Variants in SPEN observed in about 807,000 individuals in gnomAD.
SPEN encodes the protein msx2-interacting protein.
In SPEN, 18 loss-of-function variants were observed where a neutral mutation model predicts 269.9. The observed-to-expected ratio is 0.07, with a 90% CI of 0.05 to 0.10. The LOEUF is 0.10. Among genes scored for constraint, SPEN ranks in the 10% least tolerant of loss-of-function variants. The pLI is 1.00. For missense variants in SPEN, 3,822 were observed against 4,631.2 expected, an observed-to-expected ratio of 0.83 and a Z score of 5.07; for synonymous variants, 1,726 against 1,765.7, an observed-to-expected ratio of 0.98 and a Z score of 0.56.
Position 15,934,223 on chromosome 1 carries a change from C to T in SPEN, c.7983C>T (p.Ser2661=). Residue 2661 remains serine (S), a synonymous_variant, in exon 11 of 15, where the codon TCC becomes TCT. Coordinates refer to ENST00000375759, the MANE Select transcript of SPEN (RefSeq NM_015001.3). The surrounding 1 kb of genome is among the most constrained non-coding windows in gnomAD (Gnocchi z 9.2). ...VSALTGLVNV[S]LVPVNALKGP... ...CACTCACTGGCCTGGTGAACGTCTC[C>T]CTGGTCCCGGTGAATGCCCTGAAAG... is the stretch of plus-strand genomic sequence containing the variant. 1.2e-6 allele frequency: 2 copies of T among 1,614,254 alleles called. No homozygotes were observed. The highest frequency in any genetic ancestry group is 1.7e-6 in the Non-Finnish European group (2 of 1,180,040).
rs146031154 is a variant in SPEN at position 15,932,990 on chromosome 1, C to G, written c.6750C>G (p.Pro2250=). Residue 2250 remains proline (P), a synonymous_variant, in exon 11 of 15, where the codon CCC becomes CCG. Transcript: ENST00000375759. This position sits in a 1 kb window ranked among gnomAD's most constrained non-coding sequence, Gnocchi z 4.2. ...PGESQTDLQP[P]AGAQALQPSE... ...AATCCCAGACAGATCTGCAACCCCCCGCAGGTGCACAGGCGCTGCAGCCTT... is the reference window on the plus strand; with the variant it reads ...AATCCCAGACAGATCTGCAACCCCCGGCAGGTGCACAGGCGCTGCAGCCTT... 4.3e-6 allele frequency: 7 copies of G among 1,614,048 alleles called. No individual in the cohort carries two copies. The African/African-American group carries it at 5.3e-5, about 12-fold the overall frequency.
intron 3 of SPEN, among the ~76,000 whole-genome samples, chr1:15,887,276 ATT>A (rs34435171): frequency 4.9e-5 from 4 of 82,308 alleles, no homozygotes; most frequent in Non-Finnish European, 2.2e-5. Context: ...CCTGGCCTGA[ATT>A]TTTTTTTTTT....
chr1:15,935,333 C>G lies in SPEN; in HGVS notation c.9093C>G (p.Pro3031=), dbSNP rs754548886. The change falls in exon 11 of 15, where the codon CCC becomes CCG. Residue 3031 remains proline (P), a synonymous_variant. Transcript: ENST00000375759. This position sits in a 1 kb window ranked among gnomAD's most constrained non-coding sequence, Gnocchi z 7.7. ...CTCATTCTCCTCGACCAAGTGGACC[C>G]GGGCCATCCTCATTCCCAAGGGCAA... The part of the protein sequence containing the change: ...LDAHSPRPSG[P]GPSSFPRASH... The G allele has an allele frequency of 6.2e-7, 1 of 1,614,096 alleles. No individual in the cohort carries two copies. Among genetic ancestry groups the G allele is most frequent in the Admixed American group, 1.7e-5 (1 of 60,016 alleles).
rs2070308787 is a variant in SPEN, at chr1:15,849,231, C to T, written c.83+1081C>T. On this transcript the variant is annotated intron_variant, in intron 1 of 14. Coordinates refer to ENST00000375759, the MANE Select transcript of SPEN (RefSeq NM_015001.3). The stretch of plus-strand genomic sequence containing the variant: ...GACAGTTTATTCCGATATTTAAGAC[C>T]CTGGAAGGTTTTAAGTTTGGCTTTT... 2.6e-5 allele frequency among the ~76,000 whole-genome samples: 4 copies of T among 152,230 alleles called. No individual in the cohort carries two copies. In the South Asian group the frequency reaches 8.3e-4, roughly 32 times the overall value.
In SPEN at chr1:15,929,557, C is replaced by T; in HGVS notation, c.3317C>T (p.Pro1106Leu). The T allele has an allele frequency of 6.2e-7, 1 of 1,613,922 alleles. No homozygotes were observed. ...AATCAAGAAGTCCAATCAAAAAAGCCCATTCCCTCAAAACCACAGCTCAAA... is the reference window on the plus strand; with the variant it reads ...AATCAAGAAGTCCAATCAAAAAAGCTCATTCCCTCAAAACCACAGCTCAAA... ...VENQEVQSKKPIPSKPQLKQL... is the reference protein window; with the variant it reads ...VENQEVQSKKLIPSKPQLKQL... Residue 1106 changes from proline to leucine, a missense_variant, in exon 11 of 15, where the codon CCC becomes CTC. Physicochemically the swap from Pro to Leu is moderately conservative, Grantham distance 98 (BLOSUM62 -3). This residue lies in a region of SPEN where 572 missense variants were observed against 582.6 expected (regional missense o/e 0.98). Transcript: ENST00000375759. This position sits in a 1 kb window ranked among gnomAD's most constrained non-coding sequence, Gnocchi z 5.8.
intron 3 of SPEN, among the ~76,000 whole-genome samples, chr1:15,903,539 C>T (rs2070923433): frequency 6.6e-6 from 1 of 152,134 alleles, no homozygotes; most frequent in Non-Finnish European, 1.5e-5. Flanking sequence ...AGGCGCATGC[C>T]ACCATGCCTA....
In SPEN at chr1:15,929,881, C is replaced by T. The variant is rs1215659145; in HGVS notation, c.3641C>T (p.Pro1214Leu). 6.2e-7 allele frequency: 1 copy of T among 1,613,958 alleles called. No homozygotes were observed. The highest frequency in any genetic ancestry group is 1.7e-5 in the Admixed American group (1 of 59,992). The change falls in exon 11 of 15, where the codon CCC (proline) becomes CTC (leucine). Residue 1214 changes from proline to leucine, a missense_variant. Physicochemically the swap from Pro to Leu is moderately conservative, Grantham distance 98. This residue lies in a region of SPEN where 46 missense variants were observed against 94.0 expected (regional missense o/e 0.49). Transcript: ENST00000375759. The surrounding 1 kb of genome is among the most constrained non-coding windows in gnomAD (Gnocchi z 5.8). Reference protein sequence around the residue: ...RRSLVHEVGKPPQDVTDDSPP... With the variant: ...RRSLVHEVGKLPQDVTDDSPP... The stretch of plus-strand genomic sequence containing the variant: ...AGCCTCGTTCACGAGGTAGGCAAAC[C>T]CCCTCAAGATGTCACTGATGACTCT...
intron 1 of SPEN, among the ~76,000 whole-genome samples, chr1:15,849,105 C>A (rs541460803): frequency 1.2e-3 from 178 of 152,294 alleles, no homozygotes; most frequent in Non-Finnish European, 1.5e-3. Flanking sequence ...TGTACCGTAA[C>A]AGATAGGCCT....
chr1:15,886,751 C>T (rs998488506), intron 3 of SPEN, among the ~76,000 whole-genome samples: 1 of 152,212 alleles, frequency 6.6e-6, no homozygotes, highest in African/African-American at 2.4e-5. Flanking sequence ...ACATGGTCAG[C>T]ATTTGGTGAC....
In SPEN at chr1:15,848,851, A is replaced by G. The variant is rs1452992237; in HGVS notation, c.83+701A>G. On this transcript the variant is annotated intron_variant, in intron 1 of 14. Coordinates refer to ENST00000375759, the MANE Select transcript of SPEN (RefSeq NM_015001.3). This position sits in a 1 kb window ranked among gnomAD's most constrained non-coding sequence, Gnocchi z 5.1. ...CCCGGCGGAGGAGACCGCGTCTGAC[A>G]GGAGGTTGCTAGCCCCGGCGCCCGT... Among the ~76,000 whole-genome samples the G allele has an allele frequency of 6.6e-6, 1 of 152,108 alleles. No homozygotes were observed. The highest frequency in any genetic ancestry group is 1.9e-4 in the East Asian group (1 of 5,168).
In SPEN at chr1:15,873,079, A is replaced by T; in HGVS notation, c.347A>T (p.Tyr116Phe). The T allele has an allele frequency of 6.2e-7, 1 of 1,614,158 alleles. No individual in the cohort carries two copies. Residue 116 changes from tyrosine (Y) to phenylalanine (F), a missense_variant, in exon 2 of 15, where the codon TAT becomes TTT. Coordinates refer to ENST00000375759, the MANE Select transcript of SPEN (RefSeq NM_015001.3). ...GFRGGGGGPA[Y>F]GPPPSLHARE... ...AGAGGAGGTGGTGGAGGGCCTGCTT[A>T]TGGTCCCCCACCGTCACTTCATGCA...
chr1:15,910,723 G>A (rs1170730222), intron 4 of SPEN, among the ~76,000 whole-genome samples: 1 of 151,606 alleles, frequency 6.6e-6, no homozygotes, highest in Non-Finnish European at 1.5e-5. Context: ...ATATATAAGG[G>A]CATTTTTCTG....
intron 3 of SPEN, among the ~76,000 whole-genome samples, chr1:15,888,390 C>T (rs1415027852): frequency 6.6e-6 from 1 of 151,588 alleles, no homozygotes; most frequent in East Asian, 1.9e-4. Flanking sequence ...GTAGCATGAT[C>T]TCGGTTCACT....
chr1:15,939,501 C>G lies in SPEN; in HGVS notation c.*74C>G, dbSNP rs753836380. On this transcript the variant is annotated 3_prime_UTR_variant, in exon 15 of 15. Transcript: ENST00000375759. The surrounding 1 kb of genome is among the most constrained non-coding windows in gnomAD (Gnocchi z 4.1). ...AAAAACAAAGGACAACCCAGCCAAG[C>G]AGAGGAAGAAGCTGCCGAAGGGGAC... 2.1e-6 allele frequency: 3 copies of G among 1,453,228 alleles called. No homozygotes were observed. The highest frequency in any genetic ancestry group is 2.7e-6 in the Non-Finnish European group (3 of 1,095,216). 90.0% of individuals were successfully genotyped at this position (1,453,228 alleles called of 1,614,324 possible). A position where few individuals can be genotyped will look rare whatever the true frequency, so the allele number is the denominator to read the frequency against.
In SPEN at chr1:15,876,334, A is replaced by T. The variant is rs773358525; in HGVS notation, c.537A>T (p.Gln179His). The T allele has an allele frequency of 1.2e-6, 2 of 1,613,916 alleles. No individual in the cohort carries two copies. Residue 179 changes from glutamine to histidine, a missense_variant, in exon 3 of 15, where the codon CAA becomes CAT. By Grantham distance (24) the Gln-to-His change is conservative. Transcript: ENST00000375759. ...GAGATCCTCGAGAGCGGACTTTACA[A>T]CATGGGCTCTATTACGCTTCTCGGA... ...YYRDPRERTLQHGLYYASRSR... is the reference protein window; with the variant it reads ...YYRDPRERTLHHGLYYASRSR...
chr1:15,866,708 T>C, intron 1 of SPEN, among the ~76,000 whole-genome samples: 1 of 152,172 alleles, frequency 6.6e-6, no homozygotes, highest in East Asian at 1.9e-4. Flanking sequence ...TATAAAATCA[T>C]TTCATAATAA....
chr1:15,939,214 G>A lies in SPEN; in HGVS notation c.10864-82G>A. 6.8e-7 allele frequency: 1 copy of A among 1,477,310 alleles called. No individual in the cohort carries two copies. Among genetic ancestry groups the A allele is most frequent in the Non-Finnish European group, 9.0e-7 (1 of 1,110,398 alleles). The allele number at this position is 1,477,310 out of a possible 1,614,324, so 91.5% of individuals were successfully genotyped here. On this transcript the variant is annotated intron_variant, in intron 14 of 14. Transcript: ENST00000375759. The surrounding 1 kb of genome is among the most constrained non-coding windows in gnomAD (Gnocchi z 4.1). The stretch of plus-strand genomic sequence containing the variant: ...GATTTGGCCTGGCTCTTAGCATTGG[G>A]CCTCTTCAGGGCTCCCCAATGGAAG...
At position 15,915,420 on chromosome 1, in the gene SPEN, T is replaced by G. The variant is rs191164146; in HGVS notation, c.1244-708T>G. Among the ~76,000 whole-genome samples the G allele has an allele frequency of 2.8e-3, 420 of 150,888 alleles. 1 individual carries two copies. The highest frequency in any genetic ancestry group is 9.2e-3 in the African/African-American group (378 of 41,106). On this transcript the variant is annotated intron_variant, in intron 5 of 14. Coordinates refer to ENST00000375759, the MANE Select transcript of SPEN (RefSeq NM_015001.3). ...TGGAGGATTGCTTGAGCCTGGGAGGTTGAGGCTCCAGTGAGCCATGATCCT... is the reference window on the plus strand; with the variant it reads ...TGGAGGATTGCTTGAGCCTGGGAGGGTGAGGCTCCAGTGAGCCATGATCCT...
Position 15,929,224 on chromosome 1 carries a change from C to G in SPEN, c.2984C>G (p.Ala995Gly), listed in dbSNP as rs1319882904. 6.2e-7 allele frequency: 1 copy of G among 1,613,966 alleles called. No individual in the cohort carries two copies. Among genetic ancestry groups the G allele is most frequent in the African/African-American group, 1.3e-5 (1 of 74,900 alleles). Reference protein sequence around the residue: ...KRRFADSNLKAEKQKPEVKKS... With the variant: ...KRRFADSNLKGEKQKPEVKKS... ...CGCTTTGCAGATTCCAATTTAAAAG[C>G]AGAAAAGCAAAAACCAGAGGTCAAG... The change falls in exon 11 of 15, where the codon GCA (alanine) becomes GGA (glycine). Residue 995 changes from alanine to glycine, a missense_variant. Physicochemically the swap from Ala to Gly is moderately conservative, Grantham distance 60 (BLOSUM62 0). This residue lies in a region of SPEN where 572 missense variants were observed against 582.6 expected (regional missense o/e 0.98). Coordinates refer to ENST00000375759, the MANE Select transcript of SPEN (RefSeq NM_015001.3). The surrounding 1 kb of genome is among the most constrained non-coding windows in gnomAD (Gnocchi z 5.8).
Sources: allele counts gnomAD v4.1 joint callset (sites outside exome capture counted in the v4.1 genomes callset), GRCh38; gene constraint gnomAD v4.1.1; regional missense constraint gnomAD v4.1.1; non-coding constraint Gnocchi (gnomAD v3.1); transcripts MANE v1.5; gene names NCBI Gene and HGNC (gene_info 2026-07-23, HGNC 2026-07-21).